RRAGD: variants seen among roughly 807,000 people sequenced by gnomAD.
RRAGD encodes ras-related GTP-binding protein D.
RRAGD carries 12 observed loss-of-function variants against 35.5 expected under a neutral mutation model. The observed-to-expected ratio is 0.34, with a 90% CI of 0.22 to 0.55. RRAGD has a LOEUF of 0.55. Among genes scored for constraint, RRAGD ranks in the 20% least tolerant of loss-of-function variants. The probability of loss-of-function intolerance (pLI) is 0.91; values close to 1 mark genes in which losing one functional copy is unlikely to be tolerated. For missense variants in RRAGD, 324 were observed against 490.1 expected, an observed-to-expected ratio of 0.66 and a Z score of 3.20; for synonymous variants, 155 against 178.9, an observed-to-expected ratio of 0.87 and a Z score of 1.07.
intron 1 of RRAGD, among the ~76,000 whole-genome samples, chr6:89,390,960 A>C (rs1769221826): frequency 6.6e-6 from 1 of 152,064 alleles, no homozygotes; most frequent in East Asian, 1.9e-4. Flanking sequence ...AAATATACCA[A>C]AAAAAATTGA....
intron 3 of RRAGD, among the ~76,000 whole-genome samples, chr6:89,379,958 T>G (rs9451211): frequency 0.43 from 65,782 of 152,050 alleles, 14,505 homozygotes; most frequent in South Asian, 0.5. Context: ...TTTGACCATT[T>G]GTTAAAAAAC....
intron 1 of RRAGD, among the ~76,000 whole-genome samples, chr6:89,398,189 A>G (rs1309459339): frequency 2.0e-5 from 3 of 152,150 alleles, no homozygotes; most frequent in African/African-American, 7.2e-5. Flanking sequence ...AGTAGGCAGT[A>G]AGGAAAGGTC....
chr6:89,378,263 T>C (rs1458678741), intron 4 of RRAGD, among the ~76,000 whole-genome samples: 2 of 151,486 alleles, frequency 1.3e-5, no homozygotes, highest in African/African-American at 2.4e-5. Flanking sequence ...GATGGCGCCA[T>C]TGCACTCCAG....
chr6:89,383,892 G>A (rs1769091432), intron 2 of RRAGD, among the ~76,000 whole-genome samples: 4 of 152,040 alleles, frequency 2.6e-5, no homozygotes, highest in Admixed American at 2.6e-4. Flanking sequence ...GGGAGGCCGA[G>A]GCGGGTGGAT....
intron 1 of RRAGD, among the ~76,000 whole-genome samples, chr6:89,392,698 A>G (rs1769259820): frequency 6.6e-6 from 1 of 152,200 alleles, no homozygotes; most frequent in African/African-American, 2.4e-5. Context: ...ATACTTGATA[A>G]TATCTTAGTA....
rs866715198 is a variant in RRAGD, at chr6:89,403,318, G to A, written c.148+8528C>T. ...AAATTAGCTGGGCATGGTGGCGGGCGCCTGTAGTCCCAGCTACTCAGGAGG... is the reference window on the plus strand; with the variant it reads ...AAATTAGCTGGGCATGGTGGCGGGCACCTGTAGTCCCAGCTACTCAGGAGG... On this transcript the variant is annotated intron_variant, in intron 1 of 6. Transcript: ENST00000369415. Among the ~76,000 whole-genome samples, 9 of 152,056 alleles carry A rather than the reference G, an allele frequency of 5.9e-5. No homozygotes were observed. In the South Asian group the frequency reaches 1.7e-3, roughly 28 times the overall value.
chr6:89,391,677 G>T (rs1769237242), intron 1 of RRAGD, among the ~76,000 whole-genome samples: 1 of 152,140 alleles, frequency 6.6e-6, no homozygotes, highest in Admixed American at 6.5e-5. Flanking sequence ...AATTTGCCAG[G>T]CATGGTGGCT....
chr6:89,402,774 G>A (rs549404828), intron 1 of RRAGD, among the ~76,000 whole-genome samples: 1 of 152,328 alleles, frequency 6.6e-6, no homozygotes, highest in Non-Finnish European at 1.5e-5. Flanking sequence ...TGCTGAGCTA[G>A]CCCATGCCTG....
At chr6:89,394,139 T>C (rs1769289143) in intron 1 of RRAGD, among the ~76,000 whole-genome samples, 1 of 151,876 alleles carries the variant, frequency 6.6e-6, no homozygotes, top group Non-Finnish European at 1.5e-5. Context: ...AACTAAATAA[T>C]AGAGAAGCCT....
chr6:89,369,508 G>A (rs184628052), intron 6 of RRAGD, among the ~76,000 whole-genome samples: 1 of 152,156 alleles, frequency 6.6e-6, no homozygotes, highest in South Asian at 2.1e-4. Flanking sequence ...AGGTGGGAGT[G>A]CAAGGCTCAA....
chr6:89,406,425 C>G (rs9362653), intron 1 of RRAGD, among the ~76,000 whole-genome samples: 6 of 152,008 alleles, frequency 3.9e-5, no homozygotes, highest in African/African-American at 1.4e-4. Context: ...AGCAGCTGGA[C>G]GTCGAGAGGA....
intron 2 of RRAGD, 87 bp downstream of exon 2, chr6:89,387,208 T>G: frequency 7.4e-7 from 1 of 1,350,488 alleles, no homozygotes; most frequent in Non-Finnish European, 1.0e-6. Context: ...AAAGGCCTAT[T>G]CCAGAGTTTA....
chr6:89,398,334 A>G (rs1176004936), intron 1 of RRAGD, among the ~76,000 whole-genome samples: 1 of 152,206 alleles, frequency 6.6e-6, no homozygotes, highest in Non-Finnish European at 1.5e-5. Flanking sequence ...AATTGTTGTA[A>G]TTGACAGTTA....
chr6:89,391,969 A>AAAAAAG (rs1554204198), intron 1 of RRAGD, among the ~76,000 whole-genome samples: 56 of 149,988 alleles, frequency 3.7e-4, no homozygotes, highest in African/African-American at 1.2e-3. Context: ...AAAAAAAAAA[A>AAAAAAG]AAAAAAATCC....
At chr6:89,369,201 G>A (rs1430309893) in intron 6 of RRAGD, among the ~76,000 whole-genome samples, 1 of 152,180 alleles carries the variant, frequency 6.6e-6, no homozygotes, top group Non-Finnish European at 1.5e-5. Flanking sequence ...CTTCTGCAGA[G>A]AGAGTGAACC....
In RRAGD at chr6:89,371,137, GAAGGAAAAA is replaced by G. The variant is rs1385663264; in HGVS notation, c.1051+1291_1051+1299del. Among the ~76,000 whole-genome samples the G allele has an allele frequency of 6.6e-5, 10 of 151,750 alleles. No individual in the cohort carries two copies. In the East Asian group the frequency reaches 1.9e-3, roughly 29 times the overall value. Reference sequence around the variant, plus strand: ...AATATGGCCCCAGTTTTGTTGGAAGGAAGGAAAAAAAGGAATGAAGGAAGGGAGAAAAGG... The same window carrying G: ...AATATGGCCCCAGTTTTGTTGGAAGGAAGGAATGAAGGAAGGGAGAAAAGG... On this transcript the variant is annotated intron_variant, in intron 6 of 6. Coordinates refer to ENST00000369415, the MANE Select transcript of RRAGD (RefSeq NM_021244.5).
chr6:89,381,297 A>T (rs1273097274), intron 2 of RRAGD, among the ~76,000 whole-genome samples: 1 of 152,226 alleles, frequency 6.6e-6, no homozygotes, highest in Non-Finnish European at 1.5e-5. Context: ...AAAGCTTAAG[A>T]TGTTTGCCAT....
chr6:89,372,368 C>A, intron 6 of RRAGD, 69 bp downstream of exon 6: 1 of 1,495,998 alleles, frequency 6.7e-7, no homozygotes, highest in Non-Finnish European at 9.0e-7. Flanking sequence ...CCACATTCAA[C>A]AAACAATACA....
chr6:89,401,361 G>T (rs1413098414), intron 1 of RRAGD, among the ~76,000 whole-genome samples: 32 of 151,684 alleles, frequency 2.1e-4, no homozygotes. Flanking sequence ...AGGTTCGAGC[G>T]ATTCTCCTAC....
Sources: gnomAD v4.1 joint callset for allele counts (sites outside exome capture counted in the v4.1 genomes callset) on GRCh38, gnomAD v4.1.1 for gene constraint, MANE v1.5 for transcripts, NCBI Gene and HGNC (gene_info 2026-07-23, HGNC 2026-07-21) for gene names.